MGAT4C: variants seen among roughly 807,000 people sequenced by gnomAD.
MGAT4C encodes alpha-1,3-mannosyl-glycoprotein 4-beta-N-acetylglucosaminyltransferase C.
In MGAT4C, 19 loss-of-function variants were observed where a neutral mutation model predicts 40.1. That is an observed-to-expected ratio of 0.47 (90% CI 0.33 to 0.70). MGAT4C has a LOEUF of 0.70. Among genes scored for constraint, MGAT4C ranks in the 30% least tolerant of loss-of-function variants. The pLI is 0.02. For synonymous variants in MGAT4C, 181 were observed against 187.1 expected (o/e 0.97, Z 0.27); for missense variants, 491 against 563.2 (o/e 0.87, Z 1.30).
intron 2 of MGAT4C, among the ~76,000 whole-genome samples, chr12:86,039,930 T>A (rs1370598707): frequency 6.6e-6 from 1 of 152,224 alleles, no homozygotes; most frequent in East Asian, 1.9e-4. Context: ...TTTTTGTTGA[T>A]GTTGATACTA....
intron 1 of MGAT4C, among the ~76,000 whole-genome samples, chr12:86,804,311 A>C (rs1172926373): frequency 2.8e-5 from 4 of 145,264 alleles, no homozygotes; most frequent in Admixed American, 6.9e-5. Flanking sequence ...GATATACCTA[A>C]TGCTAGATGA....
chr12:86,683,355 A>T (rs537178738), intron 2 of MGAT4C, among the ~76,000 whole-genome samples: 27 of 152,294 alleles, frequency 1.8e-4, no homozygotes, highest in Non-Finnish European at 3.4e-4. Flanking sequence ...CATAAAACAG[A>T]TTCCAAGAAA....
chr12:86,313,065 T>G (rs2136152268), intron 4 of MGAT4C, among the ~76,000 whole-genome samples: 1 of 152,328 alleles, frequency 6.6e-6, no homozygotes, highest in East Asian at 1.9e-4. Flanking sequence ...AGTGTTACAG[T>G]GGTGGCTAAT....
At chr12:86,621,059 C>G (rs1288786231) in intron 2 of MGAT4C, among the ~76,000 whole-genome samples, 1 of 151,840 alleles carries the variant, frequency 6.6e-6, no homozygotes, top group Admixed American at 6.6e-5. Context: ...ACTAATATGT[C>G]CATGTAACAA....
At chr12:86,519,807 C>A (rs1415084684) in intron 2 of MGAT4C, among the ~76,000 whole-genome samples, 1 of 152,046 alleles carries the variant, frequency 6.6e-6, no homozygotes, top group Non-Finnish European at 1.5e-5. Flanking sequence ...GTTATTAATC[C>A]CATATCCAAC....
intron 1 of MGAT4C, among the ~76,000 whole-genome samples, chr12:86,169,958 A>G (rs1886634061): frequency 6.6e-6 from 1 of 152,224 alleles, no homozygotes; most frequent in African/African-American, 2.4e-5. Flanking sequence ...AAGGAAATGT[A>G]GACAGCAAAA....
At chr12:86,659,686 T>C (rs1963934272) in intron 2 of MGAT4C, among the ~76,000 whole-genome samples, 1 of 152,006 alleles carries the variant, frequency 6.6e-6, no homozygotes, top group African/African-American at 2.4e-5. Flanking sequence ...GAGACTTAGC[T>C]CCTCTCTTTT....
intron 2 of MGAT4C, among the ~76,000 whole-genome samples, chr12:86,509,235 G>A (rs1958528477): frequency 6.6e-6 from 1 of 152,114 alleles, no homozygotes; most frequent in Non-Finnish European, 1.5e-5. Flanking sequence ...ATTGATTTTT[G>A]TATAAGGTGT....
chr12:86,082,648 A>G (rs746899507), intron 1 of MGAT4C, among the ~76,000 whole-genome samples: 23 of 152,244 alleles, frequency 1.5e-4, no homozygotes, highest in Non-Finnish European at 3.1e-4. Context: ...AAAGTCTAAT[A>G]TAAGTATCAA....
chr12:86,714,778 G>GAAGGAAGA (rs1270041020), intron 2 of MGAT4C, among the ~76,000 whole-genome samples: 5 of 129,438 alleles, frequency 3.9e-5, no homozygotes, highest in African/African-American at 1.6e-4. Flanking sequence ...AGGGAAAAAG[G>GAAGGAAGA]AAGGAAGGAA....
chr12:86,361,034 C>A (rs1955453012), intron 3 of MGAT4C, among the ~76,000 whole-genome samples: 1 of 72,924 alleles, frequency 1.4e-5, no homozygotes, highest in Admixed American at 1.4e-4. Flanking sequence ...CAAGGACAAT[C>A]CTAAGCCAAA....
chr12:86,518,316 T>G (rs1958732891), intron 2 of MGAT4C, among the ~76,000 whole-genome samples: 1 of 152,308 alleles, frequency 6.6e-6, no homozygotes, highest in Non-Finnish European at 1.5e-5. Context: ...ATATTTGACC[T>G]TTGTACAAAA....
At position 86,499,225 on chromosome 12, in the gene MGAT4C, C is replaced by T. The variant is rs539829747; in HGVS notation, c.-228-63960G>A. On this transcript the variant is annotated intron_variant, in intron 2 of 7. Transcript: ENST00000548651. Reference sequence around the variant, plus strand: ...TTAAAAGTTACAGGTGGATTTTGGACTGTACAGAAGTTGGGGATGTTAAAG... The same window carrying T: ...TTAAAAGTTACAGGTGGATTTTGGATTGTACAGAAGTTGGGGATGTTAAAG... 9.2e-5 allele frequency among the ~76,000 whole-genome samples: 14 copies of T among 151,580 alleles called. No individual in the cohort carries two copies. In the East Asian group the frequency reaches 2.5e-3, roughly 27 times the overall value.
chr12:86,561,439 A>C (rs1054904734), intron 2 of MGAT4C, among the ~76,000 whole-genome samples: 1 of 152,220 alleles, frequency 6.6e-6, no homozygotes, highest in East Asian at 1.9e-4. Context: ...AGCAGGCAGA[A>C]GAAGGTGGAA....
At chr12:86,668,121 T>C (rs939850726) in intron 2 of MGAT4C, among the ~76,000 whole-genome samples, 2 of 152,240 alleles carry the variant, frequency 1.3e-5, no homozygotes, top group Non-Finnish European at 2.9e-5. Context: ...ATCCAAGTAC[T>C]ATTATAAAGC....
intron 4 of MGAT4C, among the ~76,000 whole-genome samples, chr12:86,315,197 A>C (rs1954174890): frequency 6.6e-6 from 1 of 152,302 alleles, no homozygotes; most frequent in East Asian, 1.9e-4. Context: ...GGAGAACCAG[A>C]AATAAAGCCA....
At position 86,744,580 on chromosome 12, in the gene MGAT4C, C is replaced by G. The variant is rs184270509; in HGVS notation, c.-261-17339G>C. 2.0e-5 allele frequency among the ~76,000 whole-genome samples: 3 copies of G among 150,364 alleles called. No homozygotes were observed. In the South Asian group the frequency reaches 6.3e-4, roughly 32 times the overall value. Reference sequence around the variant, plus strand: ...TGAAGCAACCACTGGTGATAAATGCCAGCTCTCAGCACTTCTCATAATGAG... The same window carrying G: ...TGAAGCAACCACTGGTGATAAATGCGAGCTCTCAGCACTTCTCATAATGAG... On this transcript the variant is annotated intron_variant, in intron 1 of 7. Transcript: ENST00000548651.
intron 2 of MGAT4C, among the ~76,000 whole-genome samples, chr12:86,714,314 T>C (rs1441019345): frequency 6.6e-6 from 1 of 152,136 alleles, no homozygotes; most frequent in Non-Finnish European, 1.5e-5. Context: ...GTTCTCAGTG[T>C]CTACCTCAGT....
chr12:86,047,242 C>T (rs571271132), intron 2 of MGAT4C, among the ~76,000 whole-genome samples: 20 of 151,942 alleles, frequency 1.3e-4, no homozygotes, highest in South Asian at 8.3e-4. Context: ...CGTGACTGTC[C>T]GCAAAATGTA....
Sources: gnomAD v4.1 joint callset for allele counts (sites outside exome capture counted in the v4.1 genomes callset) on GRCh38, gnomAD v4.1.1 for gene constraint, MANE v1.5 for transcripts, NCBI Gene and HGNC (gene_info 2026-07-23, HGNC 2026-07-21) for gene names.